The following PCDH7 variants were observed in gnomAD, a reference collection of about 807,000 sequenced individuals.
The protein encoded by PCDH7 is protocadherin 7, also known as protocadherin-7.
A neutral mutation model predicts 58.9 loss-of-function variants in PCDH7; 17 were observed. The observed-to-expected ratio is 0.29, with a 90% CI of 0.20 to 0.43. The LOEUF (loss-of-function observed/expected upper bound fraction) is 0.43, where lower values mean the gene tolerates loss of function less well. Among genes scored for constraint, PCDH7 ranks in the 20% least tolerant of loss-of-function variants. The probability of loss-of-function intolerance (pLI) is 1.00; values close to 1 mark genes in which losing one functional copy is unlikely to be tolerated. For synonymous variants in PCDH7, 664 were observed against 616.4 expected (o/e 1.08, Z -1.14); for missense variants, 1,274 against 1,441.0 (o/e 0.88, Z 1.88).
intron 3 of PCDH7, among the ~76,000 whole-genome samples, chr4:31,091,597 A>G (rs796435141): frequency 1.7e-4 from 26 of 151,988 alleles, no homozygotes; most frequent in African/African-American, 6.0e-4. Context: ...TGAATGAACC[A>G]TACTATTATG....
At chr4:30,947,431 A>G (rs1209039265) in intron 2 of PCDH7, among the ~76,000 whole-genome samples, 1 of 152,134 alleles carries the variant, frequency 6.6e-6, no homozygotes, top group Non-Finnish European at 1.5e-5. Flanking sequence ...TCTAACTCAT[A>G]TCGTTGTCCA....
intron 3 of PCDH7, among the ~76,000 whole-genome samples, chr4:31,138,720 C>G (rs1719905855): frequency 6.6e-6 from 1 of 152,032 alleles, no homozygotes; most frequent in Non-Finnish European, 1.5e-5. Context: ...TTACTTTCTC[C>G]CAGCACTTTG....
chr4:30,788,070 A>G lies in PCDH7; in HGVS notation c.70+63474A>G, dbSNP rs143815862. On this transcript the variant is annotated intron_variant, in intron 1 of 3. Coordinates refer to the PCDH7 transcript ENST00000509759. ...AGTCTGCAGACACTTGGAAACTCAT[A>G]GTGTCCTCCTTCAGGCTGTCTCACA... 3.9e-3 allele frequency among the ~76,000 whole-genome samples: 588 copies of G among 152,210 alleles called. 6 individuals are homozygous for G. The highest frequency in any genetic ancestry group is 0.013 in the African/African-American group (524 of 41,564).
exon 2 of PCDH7, chr4:30,732,478 C>T (rs1715653753): frequency 1.3e-5 from 2 of 152,134 alleles, no homozygotes; most frequent in South Asian, 4.1e-4. Flanking sequence ...CAAAGAAGAA[C>T]ATTGTAAGTT....
At chr4:31,095,671 T>A (rs1424989394) in intron 3 of PCDH7, among the ~76,000 whole-genome samples, 1 of 152,106 alleles carries the variant, frequency 6.6e-6, no homozygotes, top group East Asian at 1.9e-4. Flanking sequence ...ACTGGATGGA[T>A]GAGGCTTGGG....
At chr4:30,773,502 T>C (rs1721682584) in intron 1 of PCDH7, among the ~76,000 whole-genome samples, 1 of 152,082 alleles carries the variant, frequency 6.6e-6, no homozygotes, top group Non-Finnish European at 1.5e-5. Flanking sequence ...TTTTTCTTTT[T>C]CTTTTTTGGG....
At position 30,842,359 on chromosome 4, in the gene PCDH7, G is replaced by C. The variant is rs544881089; in HGVS notation, c.71-77794G>C. On this transcript the variant is annotated intron_variant, in intron 1 of 3. Coordinates refer to the PCDH7 transcript ENST00000509759. ...ATGCCCAGTCATCATTTTCTCTGGG[G>C]TTCATATCTTTTTATGAATTTTATT... is the stretch of plus-strand genomic sequence containing the variant. Among the ~76,000 whole-genome samples, 3 of 152,116 alleles carry C rather than the reference G, an allele frequency of 2.0e-5. No homozygotes were observed. The East Asian group carries it at 5.8e-4, about 29-fold the overall frequency.
intron 1 of PCDH7, among the ~76,000 whole-genome samples, chr4:30,874,344 A>G (rs1386570632): frequency 2.0e-5 from 3 of 152,094 alleles, no homozygotes; most frequent in African/African-American, 7.2e-5. Context: ...GCACATATAC[A>G]CCATGGAATA....
intron 3 of PCDH7, among the ~76,000 whole-genome samples, chr4:31,024,641 T>G (rs1754280770): frequency 6.6e-6 from 1 of 152,230 alleles, no homozygotes; most frequent in Non-Finnish European, 1.5e-5. Flanking sequence ...CATTTTTTTC[T>G]TTGAATCTAC....
At chr4:31,088,344 CT>C (rs1350840498) in intron 3 of PCDH7, among the ~76,000 whole-genome samples, 2 of 152,008 alleles carry the variant, frequency 1.3e-5, no homozygotes, top group Non-Finnish European at 2.9e-5. Context: ...CCTGTTAATA[CT>C]TCTATCAACA....
intron 1 of PCDH7, among the ~76,000 whole-genome samples, chr4:30,771,030 G>A (rs1560352036): frequency 6.6e-6 from 1 of 152,134 alleles, no homozygotes. Context: ...TTAGTTCTGG[G>A]AAGGTCACAC....
At chr4:30,871,542 C>T (rs6833448) in intron 1 of PCDH7, among the ~76,000 whole-genome samples, 13,331 of 152,044 alleles carry the variant, frequency 0.088, 741 homozygotes, top group Non-Finnish European at 0.12. Flanking sequence ...AGCCACTTCC[C>T]GAATACAAGT....
At chr4:31,125,140 T>G (rs773883950) in intron 3 of PCDH7, among the ~76,000 whole-genome samples, 1 of 152,166 alleles carries the variant, frequency 6.6e-6, no homozygotes, top group Non-Finnish European at 1.5e-5. Flanking sequence ...ACACAGTAAT[T>G]TTGTCTATTT....
At chr4:31,133,983 G>A (rs1318961711) in intron 3 of PCDH7, among the ~76,000 whole-genome samples, 2 of 152,128 alleles carry the variant, frequency 1.3e-5, no homozygotes, top group Admixed American at 6.6e-5. Context: ...TTGAACTAGA[G>A]CACTCCTAGG....
At chr4:30,992,590 C>A (rs1231887508) in intron 3 of PCDH7, among the ~76,000 whole-genome samples, 1 of 151,940 alleles carries the variant, frequency 6.6e-6, no homozygotes. Flanking sequence ...TTTAATGTAG[C>A]CATGCTTAGG....
intron 3 of PCDH7, among the ~76,000 whole-genome samples, chr4:30,980,876 C>T (rs1750494243): frequency 6.6e-6 from 1 of 152,134 alleles, no homozygotes; most frequent in Admixed American, 6.5e-5. Context: ...CAGAATCTCG[C>T]TCTGTCACCC....
chr4:30,852,263 A>G (rs1207377190), intron 1 of PCDH7, among the ~76,000 whole-genome samples: 2 of 152,088 alleles, frequency 1.3e-5, no homozygotes, highest in Non-Finnish European at 2.9e-5. Context: ...ATCGGATTCA[A>G]TGAAGTCCCT....
intron 3 of PCDH7, among the ~76,000 whole-genome samples, chr4:31,107,757 T>C (rs1715762354): frequency 6.6e-6 from 1 of 152,156 alleles, no homozygotes; most frequent in Non-Finnish European, 1.5e-5. Flanking sequence ...GGGAAAAATA[T>C]AGTCTTTGAA....
At chr4:30,882,957 G>T (rs1226987375) in intron 1 of PCDH7, among the ~76,000 whole-genome samples, 1 of 152,046 alleles carries the variant, frequency 6.6e-6, no homozygotes. Context: ...CATAATAAAG[G>T]TTATCCCATG....
Sources: allele counts gnomAD v4.1 joint callset (sites outside exome capture counted in the v4.1 genomes callset), GRCh38; gene constraint gnomAD v4.1.1; transcripts MANE v1.5; gene names NCBI Gene and HGNC (gene_info 2026-07-23, HGNC 2026-07-21).